ZZZ3: variants seen among roughly 807,000 people sequenced by gnomAD.
The protein encoded by ZZZ3 is zinc finger ZZ-type containing 3, also known as ZZ-type zinc finger-containing protein 3.
Under a neutral mutation model 95.2 loss-of-function variants are expected in ZZZ3, and 22 were observed. The ratio of observed to expected loss-of-function variants is 0.23; its 90% CI spans 0.17 to 0.33. The LOEUF (loss-of-function observed/expected upper bound fraction) is 0.33. ZZZ3 is among the 10% of genes least tolerant of loss of function. The pLI, the probability that ZZZ3 is intolerant of heterozygous loss-of-function variation, is 1.00. For synonymous variants in ZZZ3, 335 were observed against 358.9 expected (o/e 0.93, Z 0.75); for missense variants, 885 against 1,066.5 (o/e 0.83, Z 2.37).
chr1:77,629,371 A>C (rs554711153), intron 5 of ZZZ3, among the ~76,000 whole-genome samples: 1 of 152,300 alleles, frequency 6.6e-6, no homozygotes, highest in South Asian at 2.1e-4. Context: ...TAATCCCAGC[A>C]CTTTGGGAGG....
Position 77,576,067 on chromosome 1 carries a change from C to T in ZZZ3, c.2331+1G>A. ...ATAACAACTTGATGTGTATAACTTA[C>T]TGATGCATCTTCAACAGCAGTGTTC... On this transcript the variant is annotated splice_donor_variant, in intron 12 of 14. Transcript: ENST00000370801. LOFTEE classifies it high-confidence loss of function. 6.2e-7 allele frequency: 1 copy of T among 1,602,706 alleles called. No individual in the cohort carries two copies. The highest frequency in any genetic ancestry group is 8.5e-7 in the Non-Finnish European group (1 of 1,176,516).
intron 5 of ZZZ3, among the ~76,000 whole-genome samples, chr1:77,591,890 C>T (rs1459871065): frequency 2.0e-5 from 3 of 152,106 alleles, no homozygotes; most frequent in African/African-American, 7.2e-5. Context: ...AATAAACTGA[C>T]AGGGGCAAAA....
At position 77,566,073 on chromosome 1, in the gene ZZZ3, A is replaced by G; in HGVS notation, c.2567+8T>C. ...AAGTTGAAGACTGACAATGAAGAAA[A>G]CACTTACCAGTCTGAACAAGAATCA... is the stretch of plus-strand genomic sequence containing the variant. On this transcript the variant is annotated splice_region_variant and intron_variant, in intron 14 of 14. Coordinates refer to ENST00000370801, the MANE Select transcript of ZZZ3 (RefSeq NM_015534.6). 1.2e-6 allele frequency: 2 copies of G among 1,603,996 alleles called. No individual in the cohort carries two copies. Among genetic ancestry groups the G allele is most frequent in the Non-Finnish European group, 1.7e-6 (2 of 1,173,534 alleles).
intron 5 of ZZZ3, among the ~76,000 whole-genome samples, chr1:77,600,466 ATATT>A (rs1342407165): frequency 2.6e-5 from 4 of 152,204 alleles, no homozygotes; most frequent in Non-Finnish European, 5.9e-5. Context: ...TGAGAAAATT[ATATT>A]TATTTGCACA....
intron 5 of ZZZ3, among the ~76,000 whole-genome samples, chr1:77,618,631 G>T (rs1666565131): frequency 1.3e-5 from 2 of 152,116 alleles, no homozygotes; most frequent in African/African-American, 4.8e-5. Context: ...AAGATTGTTT[G>T]CTATCATTTA....
intron 1 of ZZZ3, among the ~76,000 whole-genome samples, chr1:77,668,069 T>C (rs1261156314): frequency 6.6e-6 from 1 of 152,150 alleles, no homozygotes; most frequent in African/African-American, 2.4e-5. Flanking sequence ...ACCTGGCTAA[T>C]GGGTATCCTT....
At chr1:77,606,060 A>G (rs1285201526) in intron 5 of ZZZ3, among the ~76,000 whole-genome samples, 3 of 152,186 alleles carry the variant, frequency 2.0e-5, no homozygotes, top group Non-Finnish European at 2.9e-5. Flanking sequence ...TCCAGGCCTT[A>G]GCTCTTAGAT....
chr1:77,656,649 C>T (rs765429565), intron 1 of ZZZ3, among the ~76,000 whole-genome samples: 1 of 152,150 alleles, frequency 6.6e-6, no homozygotes, highest in African/African-American at 2.4e-5. Flanking sequence ...GCTCTAAATT[C>T]TTGAATTTGT....
intron 1 of ZZZ3, among the ~76,000 whole-genome samples, chr1:77,679,701 TG>T (rs1183954205): frequency 6.6e-6 from 1 of 152,232 alleles, no homozygotes; most frequent in African/African-American, 2.4e-5. Flanking sequence ...TAGTTTCCTC[TG>T]ATCACTGAAG....
chr1:77,657,783 TA>T (rs1444088696), intron 1 of ZZZ3, among the ~76,000 whole-genome samples: 2 of 152,166 alleles, frequency 1.3e-5, no homozygotes, highest in African/African-American at 2.4e-5. Context: ...TAGTATCCAA[TA>T]AATGTTAAAT....
At chr1:77,644,031 T>C (rs1669023715) in intron 1 of ZZZ3, among the ~76,000 whole-genome samples, 1 of 152,058 alleles carries the variant, frequency 6.6e-6, no homozygotes, top group Non-Finnish European at 1.5e-5. Flanking sequence ...GTAAAAAGCA[T>C]AAAGATATGG....
chr1:77,625,920 C>G (rs1667292922), intron 5 of ZZZ3, among the ~76,000 whole-genome samples: 1 of 151,628 alleles, frequency 6.6e-6, no homozygotes, highest in African/African-American at 2.4e-5. Flanking sequence ...TCACTTGAAC[C>G]TGGGAGGCAG....
intron 1 of ZZZ3, among the ~76,000 whole-genome samples, chr1:77,663,825 C>T (rs185774494): frequency 4.5e-4 from 68 of 151,830 alleles, no homozygotes; most frequent in African/African-American, 1.4e-3. Context: ...CTTGGCTCAC[C>T]GCAACCCTCC....
chr1:77,594,343 G>A (rs1664010505), intron 5 of ZZZ3, among the ~76,000 whole-genome samples: 1 of 152,066 alleles, frequency 6.6e-6, no homozygotes, highest in Non-Finnish European at 1.5e-5. Context: ...TATACTGCCT[G>A]AAGGCAAAAA....
chr1:77,618,530 G>A (rs1478653898), intron 5 of ZZZ3, among the ~76,000 whole-genome samples: 1 of 152,148 alleles, frequency 6.6e-6, no homozygotes. Context: ...AAGACAAGCA[G>A]TGGTGAGAGA....
intron 5 of ZZZ3, among the ~76,000 whole-genome samples, chr1:77,630,922 A>G (rs567137637): frequency 1.8e-4 from 28 of 152,342 alleles, no homozygotes; most frequent in African/African-American, 6.5e-4. Flanking sequence ...TACAGTCTAT[A>G]TAATCTGGTT....
At chr1:77,593,745 AT>A (rs569456697) in intron 5 of ZZZ3, among the ~76,000 whole-genome samples, 80 of 152,126 alleles carry the variant, frequency 5.3e-4, no homozygotes, top group African/African-American at 1.6e-3. Flanking sequence ...ATATTGCACA[AT>A]TTTTTTTAAG....
intron 12 of ZZZ3, among the ~76,000 whole-genome samples, chr1:77,574,115 G>GAT (rs933501214): frequency 1.5e-4 from 22 of 147,288 alleles, no homozygotes; most frequent in South Asian, 1.3e-3. Flanking sequence ...TATAGATATA[G>GAT]ATATATATAT....
intron 1 of ZZZ3, among the ~76,000 whole-genome samples, chr1:77,672,668 G>A (rs1483690795): frequency 6.6e-6 from 1 of 152,180 alleles, no homozygotes; most frequent in Non-Finnish European, 1.5e-5. Context: ...CTGCCATATA[G>A]CTACAAATAA....
Sources: gnomAD v4.1 joint callset for allele counts (sites outside exome capture counted in the v4.1 genomes callset) on GRCh38, gnomAD v4.1.1 for gene constraint, MANE v1.5 for transcripts, NCBI Gene and HGNC (gene_info 2026-07-23, HGNC 2026-07-21) for gene names.